RPS6KC1: variants seen among roughly 807,000 people sequenced by gnomAD.
The protein encoded by RPS6KC1 is ribosomal protein S6 kinase C1.
RPS6KC1 carries 54 observed loss-of-function variants against 103.8 expected under a neutral mutation model. That is an observed-to-expected ratio of 0.52 (90% confidence interval 0.42 to 0.65). The LOEUF is 0.65. Ranked by LOEUF, RPS6KC1 falls within the 30% of genes least tolerant of loss-of-function variation. The pLI is 0.00. For missense variants in RPS6KC1, 1,151 were observed against 1,253.8 expected, an observed-to-expected ratio of 0.92 and a Z score of 1.24; for synonymous variants, 439 against 438.7, an observed-to-expected ratio of 1.00 and a Z score of -0.01.
At chr1:213,812,281 C>T in the RPS6KC1 span, among the ~76,000 whole-genome samples, 4 of 152,100 alleles carry the variant, frequency 2.6e-5, no homozygotes, top group African/African-American at 9.7e-5. Context: ...TTCAAGATTC[C>T]ATGTCCTCTT....
the RPS6KC1 span, among the ~76,000 whole-genome samples, chr1:213,541,605 T>A: frequency 1.3e-5 from 2 of 152,134 alleles, no homozygotes; most frequent in Non-Finnish European, 2.9e-5. Context: ...AGACTATCCT[T>A]TGAGGAAGCT....
At chr1:213,266,880 G>A (rs911160600) in intron 14 of RPS6KC1, among the ~76,000 whole-genome samples, 1 of 151,062 alleles carries the variant, frequency 6.6e-6, no homozygotes, top group Admixed American at 6.6e-5. Flanking sequence ...TCCAGCCTGG[G>A]CAACAATATT....
the RPS6KC1 span, among the ~76,000 whole-genome samples, chr1:213,721,873 C>G: frequency 3.0e-4 from 46 of 152,306 alleles, no homozygotes; most frequent in African/African-American, 1.0e-3. Context: ...GCCCCTGCCC[C>G]CTTCATACAC....
chr1:213,742,986 CA>C, the RPS6KC1 span, among the ~76,000 whole-genome samples: 7 of 152,274 alleles, frequency 4.6e-5, no homozygotes, highest in African/African-American at 1.7e-4. Context: ...GGCAATTTCT[CA>C]AAAAACTTAA....
At chr1:213,379,692 G>A in the RPS6KC1 span, among the ~76,000 whole-genome samples, 1 of 152,092 alleles carries the variant, frequency 6.6e-6, no homozygotes, top group Non-Finnish European at 1.5e-5. Flanking sequence ...TCTCTTCCTG[G>A]TGCCTTCCTC....
At chr1:213,796,349 C>T in the RPS6KC1 span, among the ~76,000 whole-genome samples, 1 of 152,122 alleles carries the variant, frequency 6.6e-6, no homozygotes, top group Admixed American at 6.6e-5. Context: ...TTCCCTGTCA[C>T]TCAGTGTTTT....
chr1:213,363,639 T>C, the RPS6KC1 span, among the ~76,000 whole-genome samples: 1 of 50,166 alleles, frequency 2.0e-5, no homozygotes, highest in Non-Finnish European at 3.6e-5. Flanking sequence ...TCTTTCTTTC[T>C]TTCTTTCTTT....
intron 12 of RPS6KC1, among the ~76,000 whole-genome samples, chr1:213,260,221 T>A (rs2094752813): frequency 6.6e-6 from 1 of 152,190 alleles, no homozygotes; most frequent in Non-Finnish European, 1.5e-5. Context: ...TTAGTTAATA[T>A]CTGGTTTCTT....
At chr1:213,109,056 G>C (rs1358629290) in intron 4 of RPS6KC1, among the ~76,000 whole-genome samples, 1 of 152,102 alleles carries the variant, frequency 6.6e-6, no homozygotes, top group Non-Finnish European at 1.5e-5. Flanking sequence ...TGAATCTGTA[G>C]TTCAGTTTGG....
At chr1:213,541,242 C>A in the RPS6KC1 span, among the ~76,000 whole-genome samples, 1 of 121,708 alleles carries the variant, frequency 8.2e-6, no homozygotes, top group Non-Finnish European at 1.8e-5. Context: ...TTAAGTTTTG[C>A]TGTCTTATAT....
the RPS6KC1 span, among the ~76,000 whole-genome samples, chr1:213,363,659 T>C: frequency 4.2e-5 from 4 of 95,032 alleles, no homozygotes; most frequent in African/African-American, 2.7e-4. Context: ...TCTTTCTTTC[T>C]TTCTTTCTTT....
At chr1:213,138,816 CAT>C (rs1444268011) in intron 6 of RPS6KC1, among the ~76,000 whole-genome samples, 9 of 152,274 alleles carry the variant, frequency 5.9e-5, no homozygotes, top group East Asian at 5.8e-4. Flanking sequence ...TTGTGATAAA[CAT>C]GTGTGCATGT....
At chr1:213,258,609 G>T (rs1308862560) in intron 12 of RPS6KC1, among the ~76,000 whole-genome samples, 1 of 152,152 alleles carries the variant, frequency 6.6e-6, no homozygotes, top group Non-Finnish European at 1.5e-5. Context: ...TATGGAAGCC[G>T]AATTGTATAT....
chr1:213,451,248 A>G, the RPS6KC1 span, among the ~76,000 whole-genome samples: 1 of 152,232 alleles, frequency 6.6e-6, no homozygotes, highest in Non-Finnish European at 1.5e-5. Flanking sequence ...GTTCTGAAAT[A>G]GGTCAATTTT....
chr1:213,620,629 T>C, the RPS6KC1 span, among the ~76,000 whole-genome samples: 1 of 152,368 alleles, frequency 6.6e-6, no homozygotes, highest in East Asian at 1.9e-4. Flanking sequence ...TCAATGAATT[T>C]GGAGCCATCT....
the RPS6KC1 span, among the ~76,000 whole-genome samples, chr1:213,444,797 G>T: frequency 5.4e-5 from 8 of 148,396 alleles, 1 homozygote; most frequent in South Asian, 1.7e-3. Context: ...AAAAAATGAA[G>T]TTGGTGGACT....
At chr1:213,826,513 A>T in the RPS6KC1 span, among the ~76,000 whole-genome samples, 1 of 152,176 alleles carries the variant, frequency 6.6e-6, no homozygotes, top group African/African-American at 2.4e-5. Flanking sequence ...TGTAGGCAGA[A>T]CCGGCTATAT....
chr1:213,385,641 T>C, the RPS6KC1 span, among the ~76,000 whole-genome samples: 2 of 152,228 alleles, frequency 1.3e-5, no homozygotes, highest in African/African-American at 4.8e-5. Flanking sequence ...TATGGACCTA[T>C]GTACTGACTT....
intron 1 of RPS6KC1, among the ~76,000 whole-genome samples, chr1:213,059,057 T>G (rs2077589907): frequency 6.6e-6 from 1 of 152,240 alleles, no homozygotes; most frequent in South Asian, 2.1e-4. Context: ...CAGCTTTTCT[T>G]TGCTAATATA....
Sources: allele counts gnomAD v4.1 joint callset (sites outside exome capture counted in the v4.1 genomes callset), GRCh38; gene constraint gnomAD v4.1.1; transcripts MANE v1.5; gene names NCBI Gene and HGNC (gene_info 2026-07-23, HGNC 2026-07-21).